Variants in CLCA1 observed in about 807,000 individuals in gnomAD.
CLCA1 encodes chloride channel accessory 1.
A neutral mutation model predicts 85.6 loss-of-function variants in CLCA1; 59 were observed. That is an observed-to-expected ratio of 0.69 (90% CI 0.56 to 0.86). CLCA1 has a LOEUF of 0.86. Ranked by LOEUF, CLCA1 falls within the 40% of genes least tolerant of loss-of-function variation. The pLI, the probability that CLCA1 is intolerant of heterozygous loss-of-function variation, is 0.00. For missense variants in CLCA1, 1,022 were observed against 1,101.4 expected (o/e 0.93, Z 1.02); for synonymous variants, 396 against 398.3 (o/e 0.99, Z 0.07).
chr1:86,491,339 G>A lies in CLCA1; in HGVS notation c.1432G>A (p.Gly478Arg). The A allele has an allele frequency of 6.2e-7, 1 of 1,613,382 alleles. No individual in the cohort carries two copies. Residue 478 changes from glycine (G) to arginine (R), a missense_variant, in exon 9 of 14, where the codon GGA (glycine) becomes AGA (arginine). Transcript: ENST00000394711. ...LIDAFGALSS[G>R]NGAVSQRSIQ... ...TGATGCTTTTGGGGCCCTTTCATCA[G>A]GAAATGGAGCTGTCTCTCAGCGCTC... is the stretch of plus-strand genomic sequence containing the variant.
At chr1:86,482,154 C>T (rs1423172173) in intron 4 of CLCA1, 51 bp from the exon 5 acceptor site, 1 of 1,395,520 alleles carries the variant, frequency 7.2e-7, no homozygotes, top group East Asian at 2.3e-5. Context: ...TAGACTCTGA[C>T]CCTTTGAAAT....
At chr1:86,476,376 G>A in intron 3 of CLCA1, 72 bp from the exon 4 acceptor site, 1 of 730,496 alleles carries the variant, frequency 1.4e-6, no homozygotes, top group Non-Finnish European at 2.4e-6. Context: ...TCCAAACATT[G>A]CTTTCTTCCA....
At chr1:86,484,536 C>A (rs1558139284) in intron 5 of CLCA1, among the ~76,000 whole-genome samples, 2 of 152,000 alleles carry the variant, frequency 1.3e-5, no homozygotes, top group Non-Finnish European at 2.9e-5. Context: ...AATGTATGAA[C>A]AATTAAAGCA....
rs771479099 is a variant in CLCA1 at position 86,489,060 on chromosome 1, A to G, written c.1247A>G (p.Asn416Ser). 4 of 1,613,982 alleles carry G rather than the reference A, an allele frequency of 2.5e-6. No homozygotes were observed. The highest frequency in any genetic ancestry group is 2.5e-6 in the Non-Finnish European group (3 of 1,179,990). ...GTGCTGCTGACGGATGGGGAAGACA[A>G]CACTATAAGTGGGTGCTTTAACGAG... is the stretch of plus-strand genomic sequence containing the variant. ...EIVLLTDGEDNTISGCFNEVK... is the reference protein window; with the variant it reads ...EIVLLTDGEDSTISGCFNEVK... Residue 416 changes from asparagine (N) to serine (S), a missense_variant, in exon 8 of 14, where the codon AAC becomes AGC. Physicochemically the swap from Asn to Ser is conservative, Grantham distance 46 (BLOSUM62 1). Coordinates refer to ENST00000394711, the MANE Select transcript of CLCA1 (RefSeq NM_001285.4).
intron 7 of CLCA1, among the ~76,000 whole-genome samples, chr1:86,488,557 G>A (rs1220817136): frequency 6.6e-6 from 1 of 152,150 alleles, no homozygotes; most frequent in Non-Finnish European, 1.5e-5. Flanking sequence ...GAAATAGCTG[G>A]TATTGTCAGA....
intron 11 of CLCA1, 31 bp downstream of exon 11, chr1:86,494,479 T>C (rs1406658174): frequency 6.2e-7 from 1 of 1,609,342 alleles, no homozygotes; most frequent in East Asian, 2.2e-5. Flanking sequence ...AAGATATTTA[T>C]TTCTTTTTCC....
chr1:86,473,999 T>C, intron 3 of CLCA1, 123 bp downstream of exon 3: 1 of 612,600 alleles, frequency 1.6e-6, no homozygotes, highest in African/African-American at 1.9e-5. Context: ...TAAAACATCA[T>C]AGCATTTTTC....
At chr1:86,480,346 C>T (rs1647783755) in intron 4 of CLCA1, among the ~76,000 whole-genome samples, 1 of 152,088 alleles carries the variant, frequency 6.6e-6, no homozygotes, top group African/African-American at 2.4e-5. Flanking sequence ...AAAACAGTAA[C>T]ATCCAAATAG....
chr1:86,475,323 ACCTC>A (rs1647612737), intron 3 of CLCA1, among the ~76,000 whole-genome samples: 1 of 152,146 alleles, frequency 6.6e-6, no homozygotes, highest in Non-Finnish European at 1.5e-5. Flanking sequence ...AGAATGCCCC[ACCTC>A]ACATAACCCT....
At chr1:86,473,974 C>T in intron 3 of CLCA1, 98 bp downstream of exon 3, 4 of 802,348 alleles carry the variant, frequency 5.0e-6, no homozygotes, top group Non-Finnish European at 7.3e-6. Flanking sequence ...CATGTATAAG[C>T]CAAACAATTA....
At chr1:86,485,282 A>G (rs1219374001) in intron 5 of CLCA1, 61 bp from the exon 6 acceptor site, 4 of 1,343,830 alleles carry the variant, frequency 3.0e-6, no homozygotes, top group Non-Finnish European at 4.2e-6. Flanking sequence ...GGTCTAACAA[A>G]TTATTAAATA....
At chr1:86,477,373 T>G (rs963971836) in intron 4 of CLCA1, among the ~76,000 whole-genome samples, 2 of 152,170 alleles carry the variant, frequency 1.3e-5, no homozygotes, top group South Asian at 4.1e-4. Context: ...CAGAAACTCC[T>G]CCCAGTTTGA....
rs1304290075 is a variant in CLCA1 at position 86,482,344 on chromosome 1, G to A, written c.697G>A (p.Glu233Lys). Reference sequence around the variant, plus strand: ...GTTTGTTCTCCAATCCCGCCAGACGGAGAAGGCTTCTATAATGTTTGCACA... The same window carrying A: ...GTTTGTTCTCCAATCCCGCCAGACGAAGAAGGCTTCTATAATGTTTGCACA... ...CEFVLQSRQT[E>K]KASIMFAQHV... Residue 233 changes from glutamate (E) to lysine (K), a missense_variant, in exon 5 of 14, where the codon GAG becomes AAG. Physicochemically the swap from Glu to Lys is moderately conservative, Grantham distance 56 (BLOSUM62 1). Transcript: ENST00000394711. 1 of 1,614,120 alleles carries A rather than the reference G, an allele frequency of 6.2e-7. No homozygotes were observed. The highest frequency in any genetic ancestry group is 8.5e-7 in the Non-Finnish European group (1 of 1,179,994).
chr1:86,486,549 G>C lies in CLCA1; in HGVS notation c.978G>C (p.Leu326=). 6.2e-7 allele frequency: 1 copy of C among 1,614,132 alleles called. No individual in the cohort carries two copies. Among genetic ancestry groups the C allele is most frequent in the Non-Finnish European group, 8.5e-7 (1 of 1,180,018 alleles). Residue 326 remains leucine (L), a synonymous_variant, in exon 7 of 14, where the codon CTG becomes CTC. Transcript: ENST00000394711. ...SMATGNRLNR[L]NQAGQLFLLQ... ...AGACTGGTAACCGCCTCAATCGACT[G>C]AATCAAGCAGGCCAGCTTTTCCTGC...
intron 8 of CLCA1, among the ~76,000 whole-genome samples, chr1:86,490,490 T>A (rs2791503): frequency 0.41 from 62,598 of 152,036 alleles, 13,566 homozygotes; most frequent in Non-Finnish European, 0.48. Flanking sequence ...GTCCACTGTT[T>A]TTTCTTGCTG....
chr1:86,479,807 C>G (rs1647768149), intron 4 of CLCA1, among the ~76,000 whole-genome samples: 1 of 152,084 alleles, frequency 6.6e-6, no homozygotes, highest in Non-Finnish European at 1.5e-5. Context: ...ATGGCATGAA[C>G]CCGGGAGGCG....
At chr1:86,494,521 G>C in intron 11 of CLCA1, 73 bp downstream of exon 11, 1 of 1,531,296 alleles carries the variant, frequency 6.5e-7, no homozygotes, top group East Asian at 2.3e-5. Flanking sequence ...AAGAGGGCAT[G>C]GTCTGGTGAG....
At chr1:86,471,980 G>A (rs959924131) in intron 1 of CLCA1, among the ~76,000 whole-genome samples, 6 of 151,414 alleles carry the variant, frequency 4.0e-5, no homozygotes, top group Non-Finnish European at 7.4e-5. Flanking sequence ...GTCTGTTCCC[G>A]CAAGGACTTT....
chr1:86,490,860 G>A (rs1204991280), intron 8 of CLCA1, among the ~76,000 whole-genome samples: 1 of 140,592 alleles, frequency 7.1e-6, no homozygotes, highest in African/African-American at 2.7e-5. Context: ...GAGCCCAGGA[G>A]TTCAAGACCA....
Sources: gnomAD v4.1 joint callset for allele counts (sites outside exome capture counted in the v4.1 genomes callset) on GRCh38, gnomAD v4.1.1 for gene constraint, MANE v1.5 for transcripts, NCBI Gene and HGNC (gene_info 2026-07-23, HGNC 2026-07-21) for gene names.